The following SLC13A3 variants were observed in gnomAD, a reference collection of about 807,000 sequenced individuals.
SLC13A3 encodes Na(+)/dicarboxylate cotransporter 3.
SLC13A3 carries 40 observed loss-of-function variants against 59.0 expected under a neutral mutation model. That is an observed-to-expected ratio of 0.68 (90% CI 0.53 to 0.88). The LOEUF is 0.88. SLC13A3 is among the 40% of genes least tolerant of loss of function. The pLI, the probability that SLC13A3 is intolerant of heterozygous loss-of-function variation, is 0.00. For missense variants in SLC13A3, 699 were observed against 783.2 expected (o/e 0.89, Z 1.28); for synonymous variants, 317 against 330.3 (o/e 0.96, Z 0.44).
intron 1 of SLC13A3, among the ~76,000 whole-genome samples, chr20:46,632,923 C>A (rs1302501891): frequency 6.5e-5 from 1 of 15,434 alleles, no homozygotes; most frequent in Non-Finnish European, 1.6e-4. Context: ...ATCTATCTAT[C>A]TATCTATCTA....
chr20:46,648,238 T>C (rs1396879197), intron 1 of SLC13A3, among the ~76,000 whole-genome samples: 1 of 152,180 alleles, frequency 6.6e-6, no homozygotes, highest in Non-Finnish European at 1.5e-5. Flanking sequence ...CTGCACTTTT[T>C]TTTTTTCTAA....
intron 1 of SLC13A3, among the ~76,000 whole-genome samples, chr20:46,679,613 CA>C (rs370410835): frequency 0.018 from 2,164 of 122,528 alleles, 56 homozygotes; most frequent in African/African-American, 0.055. Context: ...GACTCCGTCT[CA>C]AAAAAAAAAA....
Position 46,596,173 on chromosome 20 carries a change from G to A in SLC13A3, c.778C>T (p.Leu260Phe). ...LTGTAPNLIL[L>F]GQLKSFFPQC... ...CGCTTTCACCTCTTGAGCTGGCCAA[G>A]CAGGATGAGGTTAGGGGCTGTGCCC... The change falls in exon 5 of 13, where the codon CTT becomes TTT. Residue 260 changes from leucine (L) to phenylalanine (F), a missense_variant. Coordinates refer to ENST00000279027, the MANE Select transcript of SLC13A3 (RefSeq NM_022829.6). 1.2e-6 allele frequency: 2 copies of A among 1,613,680 alleles called. No individual in the cohort carries two copies. The highest frequency in any genetic ancestry group is 1.7e-6 in the Non-Finnish European group (2 of 1,179,964).
chr20:46,683,259 A>C (rs542106045), intron 1 of SLC13A3, among the ~76,000 whole-genome samples: 3 of 152,348 alleles, frequency 2.0e-5, no homozygotes, highest in South Asian at 2.1e-4. Context: ...TCTAACAAAG[A>C]GCAGCCTGAA....
chr20:46,625,398 G>T (rs906100858), intron 1 of SLC13A3, among the ~76,000 whole-genome samples: 1 of 152,180 alleles, frequency 6.6e-6, no homozygotes, highest in Non-Finnish European at 1.5e-5. Flanking sequence ...GTCTGCAGGG[G>T]TTTTTGTCCA....
intron 1 of SLC13A3, 90 bp downstream of exon 1, chr20:46,651,219 CTG>C: frequency 7.2e-7 from 1 of 1,391,504 alleles, no homozygotes; most frequent in Non-Finnish European, 9.3e-7. Flanking sequence ...CCTGTCTACA[CTG>C]GGACCTCAGC....
chr20:46,651,170 G>A, intron 1 of SLC13A3, 141 bp downstream of exon 1: 1 of 1,317,244 alleles, frequency 7.6e-7, no homozygotes, highest in Non-Finnish European at 9.7e-7. Context: ...GCGGTCCGCG[G>A]CAGGTGCAAG....
At chr20:46,567,376 C>G (rs1694997720) in intron 10 of SLC13A3, among the ~76,000 whole-genome samples, 1 of 152,138 alleles carries the variant, frequency 6.6e-6, no homozygotes, top group South Asian at 2.1e-4. Context: ...CCAACCATCC[C>G]AAAAGGTAAA....
intron 10 of SLC13A3, 140 bp from the exon 11 acceptor site, chr20:46,566,530 G>T (rs112114087): frequency 2.2e-6 from 2 of 898,792 alleles, no homozygotes; most frequent in African/African-American, 3.5e-5. Context: ...GGGAGGTGAC[G>T]TGTCCAATGT....
intron 1 of SLC13A3, chr20:46,613,927 G>T: frequency 2.0e-6 from 1 of 500,656 alleles, no homozygotes; most frequent in Non-Finnish European, 3.5e-6. Context: ...AAAGCAGGTG[G>T]CATCACCTTT....
Position 46,558,640 on chromosome 20 carries a change from G to C in SLC13A3, c.*1382C>G, listed in dbSNP as rs1179348754. ...GTGGAGCTCAACTTCCAACTCAGAG[G>C]GCCTCTCCCACTGCTCTCAGGGAAA... On this transcript the variant is annotated 3_prime_UTR_variant, in exon 13 of 13. Coordinates refer to ENST00000279027, the MANE Select transcript of SLC13A3 (RefSeq NM_022829.6). 1 of 152,118 alleles carries C rather than the reference G, an allele frequency of 6.6e-6. No homozygotes were observed. Among genetic ancestry groups the C allele is most frequent in the Non-Finnish European group, 1.5e-5 (1 of 68,050 alleles). 9.4% of individuals were successfully genotyped at this position (152,118 alleles called of 1,614,324 possible). A position where few individuals can be genotyped will look rare whatever the true frequency, so the allele number is the denominator to read the frequency against.
upstream of SLC13A3, chr20:46,651,470 GC>G (rs1344674557): frequency 1.5e-6 from 2 of 1,368,992 alleles, no homozygotes; most frequent in Non-Finnish European, 1.9e-6. Flanking sequence ...GCCCCGCCTG[GC>G]CCCGGCGCCG....
chr20:46,633,315 G>A lies in SLC13A3; in HGVS notation c.111+17996C>T, dbSNP rs556841289. ...ATGAGACCTCCACTTGGAAAGAGGAGGTTAAATCAGGCAGGTGAAGGCTCA... is the reference window on the plus strand; with the variant it reads ...ATGAGACCTCCACTTGGAAAGAGGAAGTTAAATCAGGCAGGTGAAGGCTCA... On this transcript the variant is annotated intron_variant, in intron 1 of 12. Coordinates refer to ENST00000279027, the MANE Select transcript of SLC13A3 (RefSeq NM_022829.6). Among the ~76,000 whole-genome samples, 33 of 152,322 alleles carry A rather than the reference G, an allele frequency of 2.2e-4. No homozygotes were observed. In the South Asian group the frequency reaches 6.8e-3, roughly 32 times the overall value.
upstream of SLC13A3, among the ~76,000 whole-genome samples, chr20:46,654,748 C>T (rs2062972698): frequency 6.6e-6 from 1 of 152,164 alleles, no homozygotes; most frequent in Non-Finnish European, 1.5e-5. Context: ...CCAGGCTGGT[C>T]TCAAACTCTT....
chr20:46,560,541 A>G (rs910064), intron 12 of SLC13A3, among the ~76,000 whole-genome samples: 88,664 of 151,888 alleles, frequency 0.58, 26,392 homozygotes, highest in Non-Finnish European at 0.64. Flanking sequence ...GAAAAATGAG[A>G]CCTAGAGAAG....
rs750269210 is a variant in SLC13A3 at position 46,634,632 on chromosome 20, G to A, written c.111+16679C>T. On this transcript the variant is annotated intron_variant, in intron 1 of 12. Coordinates refer to ENST00000279027, the MANE Select transcript of SLC13A3 (RefSeq NM_022829.6). ...AGCCATTCATTAAAAACGTTCCTGC[G>A]GTGGCTCACACCCTGTGGCTGCCCA... Among the ~76,000 whole-genome samples the A allele has an allele frequency of 7.9e-4, 121 of 152,212 alleles. 1 individual carries two copies. The highest frequency in any genetic ancestry group is 4.0e-4 in the Non-Finnish European group (27 of 68,018).
At chr20:46,565,789 T>C (rs974833273) in intron 11 of SLC13A3, among the ~76,000 whole-genome samples, 6 of 152,240 alleles carry the variant, frequency 3.9e-5, no homozygotes, top group African/African-American at 1.4e-4. Context: ...CTACACACCC[T>C]GTAGTGCACG....
At chr20:46,587,809 G>C (rs1443633551) in intron 8 of SLC13A3, among the ~76,000 whole-genome samples, 1 of 152,212 alleles carries the variant, frequency 6.6e-6, no homozygotes, top group Non-Finnish European at 1.5e-5. Flanking sequence ...GTAAGTGGCA[G>C]AGCTAGAATT....
intron 11 of SLC13A3, among the ~76,000 whole-genome samples, chr20:46,565,354 ACT>A (rs1406887752): frequency 6.6e-6 from 1 of 151,466 alleles, no homozygotes; most frequent in Non-Finnish European, 1.5e-5. Flanking sequence ...TGAGTTGGGA[ACT>A]CTCTGTTCCT....
Sources: allele counts gnomAD v4.1 joint callset (sites outside exome capture counted in the v4.1 genomes callset), GRCh38; gene constraint gnomAD v4.1.1; transcripts MANE v1.5; gene names NCBI Gene and HGNC (gene_info 2026-07-23, HGNC 2026-07-21).